The following ZYG11A variants were observed in gnomAD, a reference collection of about 807,000 sequenced individuals.
ZYG11A encodes protein zyg-11 homolog A.
Under a neutral mutation model 77.2 loss-of-function variants are expected in ZYG11A, and 62 were observed. The ratio of observed to expected loss-of-function variants is 0.80; its 90% CI spans 0.65 to 0.99. The LOEUF (loss-of-function observed/expected upper bound fraction) is 0.99, where lower values mean the gene tolerates loss of function less well. Among genes scored for constraint, ZYG11A ranks in the 50% least tolerant of loss-of-function variants. ZYG11A has a pLI of 0.00. For synonymous variants in ZYG11A, 315 were observed against 324.6 expected, an observed-to-expected ratio of 0.97 and a Z score of 0.32; for missense variants, 828 against 896.8, an observed-to-expected ratio of 0.92 and a Z score of 0.98.
chr1:52,881,878 TA>T, intron 11 of ZYG11A: 2 of 434,574 alleles, frequency 4.6e-6, no homozygotes, highest in Middle Eastern at 6.3e-4. Context: ...TTTTTTTTTT[TA>T]AAACTATTTA....
intron 5 of ZYG11A, among the ~76,000 whole-genome samples, chr1:52,865,480 G>A (rs1029582147): frequency 6.6e-6 from 1 of 152,084 alleles, no homozygotes; most frequent in Non-Finnish European, 1.5e-5. Flanking sequence ...ATTTACTGAA[G>A]ATAAATGAAA....
At position 52,894,583 on chromosome 1, in the gene ZYG11A, A is replaced by G. The variant is rs1026128951; in HGVS notation, c.*1626A>G. On this transcript the variant is annotated 3_prime_UTR_variant, in exon 14 of 14. Transcript: ENST00000371528. ...ATTTCTGTTAGCACATTTTAGGATTAGATTTTTGTGCTTTTGGCTGGCTTG... is the reference window on the plus strand; with the variant it reads ...ATTTCTGTTAGCACATTTTAGGATTGGATTTTTGTGCTTTTGGCTGGCTTG... 6.6e-6 allele frequency: 1 copy of G among 152,216 alleles called. No individual in the cohort carries two copies. Among genetic ancestry groups the G allele is most frequent in the Non-Finnish European group, 1.5e-5 (1 of 68,030 alleles). 9.4% of individuals were successfully genotyped at this position (152,216 alleles called of 1,614,324 possible).
chr1:52,855,010 G>A (rs1024705170), intron 2 of ZYG11A, among the ~76,000 whole-genome samples: 7 of 151,954 alleles, frequency 4.6e-5, no homozygotes, highest in South Asian at 2.1e-4. Context: ...GATTACAGGC[G>A]CCCACCACAC....
At chr1:52,860,576 C>T (rs1255791448) in intron 3 of ZYG11A, among the ~76,000 whole-genome samples, 155 bp from the exon 4 acceptor site, 1 of 152,146 alleles carries the variant, frequency 6.6e-6, no homozygotes, top group East Asian at 1.9e-4. Flanking sequence ...GGATTACAGG[C>T]GTGAGCCACT....
At chr1:52,865,802 TGA>T (rs879130848) in intron 5 of ZYG11A, among the ~76,000 whole-genome samples, 7 of 152,174 alleles carry the variant, frequency 4.6e-5, no homozygotes, top group Admixed American at 3.9e-4. Flanking sequence ...TTTACAGGGT[TGA>T]GACTAACTTG....
At chr1:52,883,805 G>A (rs1245272821) in intron 11 of ZYG11A, among the ~76,000 whole-genome samples, 1 of 151,982 alleles carries the variant, frequency 6.6e-6, no homozygotes, top group Non-Finnish European at 1.5e-5. Flanking sequence ...TTGTTCCATT[G>A]TGTTAGAGAT....
chr1:52,864,553 T>A (rs1463617338), intron 5 of ZYG11A, among the ~76,000 whole-genome samples: 1 of 152,228 alleles, frequency 6.6e-6, no homozygotes, highest in Admixed American at 6.5e-5. Context: ...AGATATTATT[T>A]AGTTCTGGTT....
chr1:52,869,963 GACCC>G (rs1646117434), intron 8 of ZYG11A, among the ~76,000 whole-genome samples: 1 of 109,284 alleles, frequency 9.2e-6, no homozygotes, highest in African/African-American at 3.6e-5. Context: ...GCGGGGGGCT[GACCC>G]CCCCCCACCC....
chr1:52,861,551 A>G (rs1645927458), intron 4 of ZYG11A, among the ~76,000 whole-genome samples: 1 of 152,096 alleles, frequency 6.6e-6, no homozygotes, highest in Admixed American at 6.6e-5. Flanking sequence ...AAACAATACA[A>G]AAATTTGGTG....
intron 8 of ZYG11A, among the ~76,000 whole-genome samples, chr1:52,869,068 C>A (rs1646085910): frequency 6.6e-6 from 1 of 152,076 alleles, no homozygotes; most frequent in Non-Finnish European, 1.5e-5. Context: ...ACCTTGTGAT[C>A]CACCTGCCTT....
At position 52,894,953 on chromosome 1, in the gene ZYG11A, C is replaced by T. The variant is rs1332120619; in HGVS notation, c.*1996C>T. On this transcript the variant is annotated 3_prime_UTR_variant, in exon 14 of 14. Transcript: ENST00000371528. ...GTTCTGTGTCATTCACAACAATCCT[C>T]ACGGGTAGGTGAGTTTTATTTTCCT... 1 of 152,166 alleles carries T rather than the reference C, an allele frequency of 6.6e-6. No homozygotes were observed. The highest frequency in any genetic ancestry group is 2.4e-5 in the African/African-American group (1 of 41,446). The allele number at this position is 152,166 out of a possible 1,614,324, so 9.4% of individuals were successfully genotyped here.
At chr1:52,890,249 GTTT>G (rs908467307) in intron 13 of ZYG11A, among the ~76,000 whole-genome samples, 1 of 71,658 alleles carries the variant, frequency 1.4e-5, no homozygotes, top group East Asian at 5.0e-4. Flanking sequence ...TTTTCTTTTA[GTTT>G]TTTTTTTTTT....
intron 1 of ZYG11A, among the ~76,000 whole-genome samples, 187 bp downstream of exon 1, chr1:52,843,160 C>A (rs1373129436): frequency 6.6e-6 from 1 of 151,706 alleles, no homozygotes; most frequent in Non-Finnish European, 1.5e-5. Flanking sequence ...TCGGGGGAGG[C>A]GGCCTGGGCG....
intron 8 of ZYG11A, among the ~76,000 whole-genome samples, chr1:52,870,917 T>A (rs1361189251): frequency 6.6e-6 from 1 of 152,056 alleles, no homozygotes; most frequent in Non-Finnish European, 1.5e-5. Context: ...GGGATTTTTT[T>A]ATACATTAAG....
intron 13 of ZYG11A, among the ~76,000 whole-genome samples, chr1:52,892,476 C>T (rs1242340174): frequency 1.3e-5 from 2 of 150,742 alleles, no homozygotes; most frequent in Non-Finnish European, 3.0e-5. Context: ...TGCAGTGAAC[C>T]GAGATTGCGC....
chr1:52,845,305 T>TG lies in ZYG11A; in HGVS notation c.90+2333dup, dbSNP rs1456885216. Among the ~76,000 whole-genome samples, 33 of 133,900 alleles carry TG rather than the reference T, an allele frequency of 2.5e-4. 1 individual carries two copies. Among genetic ancestry groups the TG allele is most frequent in the Non-Finnish European group, 1.5e-4 (9 of 60,524 alleles). The allele number at this position is 133,900 out of a possible 152,430, so 87.8% of individuals were successfully genotyped here. ...CATTTGTATGTAGCCTAATGGTCTG[T>TG]GCTTTTTTTTTTTTTTTTGAGACGG... On this transcript the variant is annotated intron_variant, in intron 1 of 13. Coordinates refer to ENST00000371528, the MANE Select transcript of ZYG11A (RefSeq NM_001004339.3).
At chr1:52,888,881 C>G (rs796794438) in intron 13 of ZYG11A, among the ~76,000 whole-genome samples, 13 of 152,262 alleles carry the variant, frequency 8.5e-5, no homozygotes, top group African/African-American at 3.1e-4. Context: ...ATAGACTTCT[C>G]TTAACATTGT....
At chr1:52,843,070 T>A in intron 1 of ZYG11A, 97 bp downstream of exon 1, 1 of 1,073,630 alleles carries the variant, frequency 9.3e-7, no homozygotes, top group South Asian at 1.9e-5. Context: ...AGGCACTTGC[T>A]GGGGAGTGTG....
chr1:52,881,530 G>T lies in ZYG11A; in HGVS notation c.1809G>T (p.Lys603Asn). The change falls in exon 11 of 14, where the codon AAG (lysine) becomes AAT (asparagine). Residue 603 changes from lysine to asparagine, a missense_variant. Transcript: ENST00000371528. ...AGCTGGTGACCGAAGATGTGCTGAA[G>T]CATATCAACAGTTTACTCTGTAGCA... ...SSKLVTEDVL[K>N]HINSLLCSRE... 6.4e-7 allele frequency: 1 copy of T among 1,551,872 alleles called. No individual in the cohort carries two copies. The highest frequency in any genetic ancestry group is 8.7e-7 in the Non-Finnish European group (1 of 1,147,024).
Sources: gnomAD v4.1 joint callset for allele counts (sites outside exome capture counted in the v4.1 genomes callset) on GRCh38, gnomAD v4.1.1 for gene constraint, MANE v1.5 for transcripts, NCBI Gene and HGNC (gene_info 2026-07-23, HGNC 2026-07-21) for gene names.